SIGLEC9: variants seen among roughly 807,000 people sequenced by gnomAD.
The protein encoded by SIGLEC9 is sialic acid binding Ig like lectin 9, also known as sialic acid-binding Ig-like lectin 9.
In SIGLEC9, 26 loss-of-function variants were observed where a neutral mutation model predicts 38.3. The ratio of observed to expected loss-of-function variants is 0.68; its 90% confidence interval spans 0.50 to 0.94. The LOEUF (loss-of-function observed/expected upper bound fraction) is 0.94. Ranked by LOEUF, SIGLEC9 falls within the 40% of genes least tolerant of loss-of-function variation. SIGLEC9 has a pLI of 0.00. For synonymous variants in SIGLEC9, 236 were observed against 248.0 expected, an observed-to-expected ratio of 0.95 and a Z score of 0.45; for missense variants, 556 against 585.7, an observed-to-expected ratio of 0.95 and a Z score of 0.52.
chr19:51,122,520 G>A (rs749520938), upstream of SIGLEC9, among the ~76,000 whole-genome samples: 13 of 150,116 alleles, frequency 8.7e-5, no homozygotes, highest in Non-Finnish European at 1.3e-4. This position sits in a 1 kb window ranked among gnomAD's most constrained non-coding sequence, Gnocchi z 4.1. Flanking sequence ...GGCGGAGCTT[G>A]CAGTGAGCTG....
intron 6 of SIGLEC9, among the ~76,000 whole-genome samples, chr19:51,129,516 A>G (rs185398238): frequency 2.0e-5 from 3 of 151,706 alleles, no homozygotes; most frequent in Admixed American, 2.0e-4. Flanking sequence ...GGGTGAAGTG[A>G]GTGAGGCTGT....
chr19:51,129,998 C>T lies in SIGLEC9; in HGVS notation c.1311C>T (p.Ser437=). Residue 437 remains serine (S), a synonymous_variant, in exon 7 of 7, where the codon AGC becomes AGT. Coordinates refer to ENST00000250360, the MANE Select transcript of SIGLEC9 (RefSeq NM_014441.3). Reference sequence around the variant, plus strand: ...GAGAGCTCCAGTATGCATCCCTCAGCTTCCAGATGGTGAAGCCTTGGGACT... The same window carrying T: ...GAGAGCTCCAGTATGCATCCCTCAGTTTCCAGATGGTGAAGCCTTGGGACT... The part of the protein sequence containing the change: ...GEGELQYASL[S]FQMVKPWDSR... 3.1e-6 allele frequency: 5 copies of T among 1,614,152 alleles called. No homozygotes were observed. The highest frequency in any genetic ancestry group is 3.4e-6 in the Non-Finnish European group (4 of 1,180,000).
At chr19:51,135,520 T>C (rs1270953155) in intron 6 of SIGLEC9, among the ~76,000 whole-genome samples, 1 of 152,230 alleles carries the variant, frequency 6.6e-6, no homozygotes, top group Non-Finnish European at 1.5e-5. Context: ...TTTTCTTTCA[T>C]GTGAACCTTA....
At chr19:51,127,452 TC>T (rs1390579184) in intron 4 of SIGLEC9, among the ~76,000 whole-genome samples, 156 bp downstream of exon 4, 1 of 152,118 alleles carries the variant, frequency 6.6e-6, no homozygotes, top group East Asian at 1.9e-4. Context: ...AGCACCACTG[TC>T]CTCTTCCTGC....
chr19:51,126,779 C>T (rs1227279800), intron 3 of SIGLEC9, among the ~76,000 whole-genome samples: 2 of 152,188 alleles, frequency 1.3e-5, no homozygotes, highest in Non-Finnish European at 2.9e-5. Context: ...AATATCTAAG[C>T]CTGTGGGTTA....
chr19:51,131,590 AAAATAAATAAAT>A (rs1187232159), downstream of SIGLEC9, among the ~76,000 whole-genome samples: 1 of 150,548 alleles, frequency 6.6e-6, no homozygotes, highest in African/African-American at 2.5e-5. Context: ...CGTCTCAAAA[AAAATAAATAAAT>A]AAATAAATAA....
In SIGLEC9 at chr19:51,127,285, T is replaced by C. The variant is rs748922424; in HGVS notation, c.1004T>C (p.Val335Ala). 3.3e-5 allele frequency: 53 copies of C among 1,610,974 alleles called. No homozygotes were observed. The South Asian group carries it at 5.7e-4, about 17-fold the overall frequency. Residue 335 changes from valine (V) to alanine (A), a missense_variant, in exon 4 of 7, where the codon GTC becomes GCC. Physicochemically the swap from Val to Ala is moderately conservative, Grantham distance 64. Coordinates refer to ENST00000250360, the MANE Select transcript of SIGLEC9 (RefSeq NM_014441.3). ...PLGSQQVYLN[V>A]SLQSKATSGV... is the part of the protein sequence containing the mutation. The stretch of plus-strand genomic sequence containing the variant: ...GGCTCTCAGCAGGTCTACCTGAACG[T>C]CTCCCTGCAGAGTGAGTGCACCAGT...
chr19:51,126,011 C>T, intron 2 of SIGLEC9, 70 bp from the exon 3 acceptor site: 2 of 1,587,636 alleles, frequency 1.3e-6, no homozygotes, highest in Non-Finnish European at 8.6e-7. Flanking sequence ...TTATGCGGCT[C>T]CTGGGGACAG....
At chr19:51,121,033 T>C (rs974461273), upstream of SIGLEC9, among the ~76,000 whole-genome samples, 1 of 152,068 alleles carries the variant, frequency 6.6e-6, no homozygotes, top group Non-Finnish European at 1.5e-5. Flanking sequence ...TGGGCAGAGA[T>C]GGGTTCTCAC....
rs528551120 is a variant in SIGLEC9, at chr19:51,125,957, G to T, written c.700+82G>T. 645 of 1,597,038 alleles carry T rather than the reference G, an allele frequency of 4.0e-4. 10 individuals are homozygous for T. In the South Asian group the frequency reaches 6.7e-3, roughly 17 times the overall value. Reference sequence around the variant, plus strand: ...ACTGGGTGCTGGGTCCCGGAATCTGGGCTGGTGGTGGGGTCAGGAGGACAC... The same window carrying T: ...ACTGGGTGCTGGGTCCCGGAATCTGTGCTGGTGGTGGGGTCAGGAGGACAC... On this transcript the variant is annotated intron_variant, in intron 2 of 6. Coordinates refer to ENST00000250360, the MANE Select transcript of SIGLEC9 (RefSeq NM_014441.3).
rs759077765 is a variant in SIGLEC9 at position 51,127,292 on chromosome 19, G to C, written c.1011G>C (p.Leu337=). 2 of 1,608,952 alleles carry C rather than the reference G, an allele frequency of 1.2e-6. No individual in the cohort carries two copies. The highest frequency in any genetic ancestry group is 2.2e-5 in the South Asian group (2 of 90,634). ...AGCAGGTCTACCTGAACGTCTCCCT[G>C]CAGAGTGAGTGCACCAGTATGCTGG... ...GSQQVYLNVS[L]QSKATSGVTQ... is the part of the protein sequence containing the mutation. The change falls in exon 4 of 7, where the codon CTG becomes CTC. Residue 337 remains leucine (L), a synonymous_variant. Transcript: ENST00000250360.
At chr19:51,129,685 G>C (rs892712272) in intron 6 of SIGLEC9, among the ~76,000 whole-genome samples, 6 of 152,034 alleles carry the variant, frequency 3.9e-5, no homozygotes, top group Non-Finnish European at 1.5e-5. Context: ...GAGTAGCTGG[G>C]ATTAAAGGTG....
chr19:51,128,379 A>T (rs767818181), intron 5 of SIGLEC9, 35 bp from the exon 6 acceptor site: 23 of 1,607,566 alleles, frequency 1.4e-5, no homozygotes, highest in Non-Finnish European at 1.9e-5. Flanking sequence ...CCCCAATCTG[A>T]CCACACTGAA....
chr19:51,129,146 G>T (rs28715510), intron 6 of SIGLEC9, among the ~76,000 whole-genome samples: 1,558 of 136,114 alleles, frequency 0.011, 37 homozygotes, highest in African/African-American at 0.04. Context: ...GACTTTTTTT[G>T]TTTTTTTTTT....
At chr19:51,132,649 C>T (rs1413036458), downstream of SIGLEC9, among the ~76,000 whole-genome samples, 2 of 152,160 alleles carry the variant, frequency 1.3e-5, no homozygotes, top group Non-Finnish European at 2.9e-5. Context: ...CTGCTGCCGC[C>T]GCATCCCGCT....
At chr19:51,132,444 A>G (rs118147512), downstream of SIGLEC9, among the ~76,000 whole-genome samples, 1,844 of 152,278 alleles carry the variant, frequency 0.012, 17 homozygotes, top group East Asian at 0.057. Context: ...GACCCTGAAA[A>G]CAGGGCAAGG....
Position 51,124,908 on chromosome 19 carries a change from A to G in SIGLEC9, c.-67A>G. 1.3e-6 allele frequency: 2 copies of G among 1,542,304 alleles called. No homozygotes were observed. Among genetic ancestry groups the G allele is most frequent in the Non-Finnish European group, 1.7e-6 (2 of 1,145,046 alleles). On this transcript the variant is annotated 5_prime_UTR_variant, in exon 1 of 7. Coordinates refer to ENST00000250360, the MANE Select transcript of SIGLEC9 (RefSeq NM_014441.3). ...GGCCTCCTCTAAGTCTTGAGCCCGC[A>G]GTTCCTGAGAGAAGAACCCTGAGGA...
Position 51,128,703 on chromosome 19 carries a change from C to T in SIGLEC9, c.1203+193C>T, listed in dbSNP as rs1174385878. On this transcript the variant is annotated intron_variant, in intron 6 of 6. Transcript: ENST00000250360. ...AGCTTTTATTGTCTCTGCTCCCTAT[C>T]CTGACCCTTCATTGCTGAGGCCTGA... is the stretch of plus-strand genomic sequence containing the variant. 2.2e-5 allele frequency: 12 copies of T among 548,450 alleles called. No homozygotes were observed. In the Admixed American group the frequency reaches 3.9e-4, roughly 18 times the overall value. 34.0% of individuals were successfully genotyped at this position (548,450 alleles called of 1,614,324 possible). A position where few individuals can be genotyped will look rare whatever the true frequency, so the allele number is the denominator to read the frequency against.
At chr19:51,125,566 A>T (rs778468463) in intron 1 of SIGLEC9, 31 bp from the exon 2 acceptor site, 31 of 1,606,020 alleles carry the variant, frequency 1.9e-5, no homozygotes, top group East Asian at 1.1e-4. Flanking sequence ...GGATCCTCTG[A>T]CCTGATCCTG....
Sources: allele counts gnomAD v4.1 joint callset (sites outside exome capture counted in the v4.1 genomes callset), GRCh38; gene constraint gnomAD v4.1.1; non-coding constraint Gnocchi (gnomAD v3.1); transcripts MANE v1.5; gene names NCBI Gene and HGNC (gene_info 2026-07-23, HGNC 2026-07-21).